The following MARF1 variants were observed in gnomAD, a reference collection of about 807,000 sequenced individuals.
MARF1 encodes the protein limkain-b1.
MARF1 carries 24 observed loss-of-function variants against 168.2 expected under a neutral mutation model. The observed-to-expected ratio is 0.14, with a 90% CI of 0.10 to 0.20. The LOEUF (loss-of-function observed/expected upper bound fraction) is 0.20. Ranked by LOEUF, MARF1 falls within the 10% of genes least tolerant of loss-of-function variation. The pLI, the probability that MARF1 is intolerant of heterozygous loss-of-function variation, is 1.00. For synonymous variants in MARF1, 868 were observed against 822.4 expected (o/e 1.06, Z -0.95); for missense variants, 1,744 against 2,143.6 (o/e 0.81, Z 3.68).
chr16:15,625,241 A>G, intron 8 of MARF1, 68 bp from the exon 9 acceptor site: 1 of 1,577,838 alleles, frequency 6.3e-7, no homozygotes, highest in South Asian at 1.2e-5. Flanking sequence ...CCTTTACAGA[A>G]AACGATTGAC....
chr16:15,596,127 G>A lies in MARF1; in HGVS notation c.*566C>T, dbSNP rs1057322750. On this transcript the variant is annotated 3_prime_UTR_variant, in exon 27 of 27. Coordinates refer to ENST00000396368, the MANE Select transcript of MARF1 (RefSeq NM_014647.4). ...AACAAGGCACACTTACAAGTCACATGGAAGCCAGGAACCTTCACATTCCAA... is the reference window on the plus strand; with the variant it reads ...AACAAGGCACACTTACAAGTCACATAGAAGCCAGGAACCTTCACATTCCAA... 1.3e-5 allele frequency: 2 copies of A among 152,662 alleles called. No homozygotes were observed. Among genetic ancestry groups the A allele is most frequent in the African/African-American group, 4.8e-5 (2 of 41,448 alleles). 9.5% of individuals were successfully genotyped at this position (152,662 alleles called of 1,614,324 possible).
intron 17 of MARF1, 124 bp downstream of exon 17, chr16:15,612,433 T>C: frequency 1.2e-6 from 1 of 834,094 alleles, no homozygotes; most frequent in Non-Finnish European, 2.0e-6. Flanking sequence ...CTGAAGAAAG[T>C]TTTTAGTGGA....
chr16:15,630,283 T>G lies in MARF1; in HGVS notation c.1524+49A>C, dbSNP rs1420233719. 1.9e-6 allele frequency: 3 copies of G among 1,545,190 alleles called. No individual in the cohort carries two copies. In the African/African-American group the frequency reaches 4.1e-5, roughly 21 times the overall value. On this transcript the variant is annotated intron_variant, in intron 7 of 26. Coordinates refer to ENST00000396368, the MANE Select transcript of MARF1 (RefSeq NM_014647.4). ...CCTTATTATGGGCTGTCTTTCAGCC[T>G]CCACAATGTAATATTGGAAAATGGC... is the stretch of plus-strand genomic sequence containing the variant.
At chr16:15,642,524 T>C (rs2036079457) in intron 1 of MARF1, 1 of 152,218 alleles carries the variant, frequency 6.6e-6, no homozygotes, top group African/African-American at 2.4e-5. Context: ...GAAAGGTGCT[T>C]GAGAAACTCT....
intron 12 of MARF1, among the ~76,000 whole-genome samples, chr16:15,621,139 T>C (rs993130710): frequency 2.6e-5 from 4 of 151,504 alleles, no homozygotes; most frequent in East Asian, 3.9e-4. Flanking sequence ...ATTTAAGTAA[T>C]AGTGAAGTAC....
Position 15,624,784 on chromosome 16 carries a change from T to C in MARF1, c.2255A>G (p.Gln752Arg). ...SRQVSPLLAS[Q>R]SWSSRSMSPN... ...CTGGACTCACCTAGAAGACCAAGAC[T>C]GAGATGCGAGCAGAGGACTGACTTG... Residue 752 changes from glutamine to arginine, a missense_variant, in exon 10 of 27, where the codon CAG becomes CGG. Physicochemically the swap from Gln to Arg is conservative, Grantham distance 43. Coordinates refer to ENST00000396368, the MANE Select transcript of MARF1 (RefSeq NM_014647.4). 1 of 1,614,082 alleles carries C rather than the reference T, an allele frequency of 6.2e-7. No individual in the cohort carries two copies. The highest frequency in any genetic ancestry group is 8.5e-7 in the Non-Finnish European group (1 of 1,179,976).
At chr16:15,636,978 C>T (rs923451609) in intron 2 of MARF1, among the ~76,000 whole-genome samples, 1 of 152,032 alleles carries the variant, frequency 6.6e-6, no homozygotes, top group Admixed American at 6.5e-5. Flanking sequence ...GAAAACTATC[C>T]AAGAAAAAGA....
chr16:15,601,162 T>C, intron 23 of MARF1: 1 of 448,984 alleles, frequency 2.2e-6, no homozygotes, highest in Non-Finnish European at 4.5e-6. Flanking sequence ...AGCAGAGTGG[T>C]AGTAGTGGAG....
At chr16:15,614,411 A>C (rs979295644) in intron 16 of MARF1, among the ~76,000 whole-genome samples, 5 of 138,178 alleles carry the variant, frequency 3.6e-5, no homozygotes, top group African/African-American at 2.8e-5. Context: ...TGAACCGAGG[A>C]GGCGGAGCTT....
At chr16:15,610,894 A>C in intron 19 of MARF1, 81 bp downstream of exon 19, 1 of 1,408,332 alleles carries the variant, frequency 7.1e-7, no homozygotes, top group Non-Finnish European at 9.8e-7. Flanking sequence ...ACAGGGAGGG[A>C]AAACCACATC....
intron 16 of MARF1, 89 bp downstream of exon 16, chr16:15,615,741 T>C (rs969773133): frequency 9.9e-7 from 1 of 1,006,788 alleles, no homozygotes; most frequent in Non-Finnish European, 1.4e-6. Context: ...CTTGGCAAAT[T>C]GTGCTGCTGT....
intron 15 of MARF1, 64 bp from the exon 16 acceptor site, chr16:15,616,069 T>C (rs1010060230): frequency 1.1e-5 from 14 of 1,266,244 alleles, no homozygotes; most frequent in Admixed American, 2.7e-5. Context: ...AAGGAGGCGC[T>C]TGCTAAACAG....
Position 15,608,535 on chromosome 16 carries a change from G to A in MARF1, c.3955-17C>T, listed in dbSNP as rs530927387. The A allele has an allele frequency of 3.8e-6, 6 of 1,560,262 alleles. No homozygotes were observed. The highest frequency in any genetic ancestry group is 3.4e-5 in the Admixed American group (2 of 58,824). On this transcript the variant is annotated splice_polypyrimidine_tract_variant and intron_variant, in intron 20 of 26. Transcript: ENST00000396368. ...TTCCAATACCTTTGAAAACACACGGGGGGAGGAAAGGGAAAATAAACAAAT... is the reference window on the plus strand; with the variant it reads ...TTCCAATACCTTTGAAAACACACGGAGGGAGGAAAGGGAAAATAAACAAAT...
At chr16:15,611,206 C>A in intron 18 of MARF1, 98 bp from the exon 19 acceptor site, 1 of 1,225,852 alleles carries the variant, frequency 8.2e-7, no homozygotes, top group Non-Finnish European at 1.2e-6. Flanking sequence ...CGCCTGTAAT[C>A]CCAGCACTTT....
Position 15,611,053 on chromosome 16 carries a change from T to C in MARF1, c.3673A>G (p.Ile1225Val). 6.2e-7 allele frequency: 1 copy of C among 1,613,788 alleles called. No homozygotes were observed. Among genetic ancestry groups the C allele is most frequent in the Non-Finnish European group, 8.5e-7 (1 of 1,179,676 alleles). The change falls in exon 19 of 27, where the codon ATC (isoleucine) becomes GTC (valine). Residue 1225 changes from isoleucine to valine, a missense_variant. Ile to Val is a conservative substitution (Grantham distance 29). Transcript: ENST00000396368. ...TEYGVCELID[I>V]VSEIPDTTIC... ...GTTGTGTCTGGAATCTCTGATACGATGTCAATCAACTCACAAACACCATAT... is the reference window on the plus strand; with the variant it reads ...GTTGTGTCTGGAATCTCTGATACGACGTCAATCAACTCACAAACACCATAT...
At chr16:15,623,274 C>CA in intron 10 of MARF1, 151 bp from the exon 11 acceptor site, 1 of 118,554 alleles carries the variant, frequency 8.4e-6, no homozygotes, top group African/African-American at 4.4e-5. Flanking sequence ...TGTTTTTAAT[C>CA]TTTTTTTTTT....
chr16:15,612,040 T>C (rs546895296), intron 17 of MARF1, among the ~76,000 whole-genome samples: 4 of 152,168 alleles, frequency 2.6e-5, no homozygotes, highest in Non-Finnish European at 5.9e-5. Flanking sequence ...ACTGTATTGG[T>C]TGTCCAGACA....
chr16:15,634,138 T>C (rs1316125609), intron 4 of MARF1, among the ~76,000 whole-genome samples: 1 of 152,158 alleles, frequency 6.6e-6, no homozygotes, highest in East Asian at 1.9e-4. Context: ...TAAGCAGTGA[T>C]GCTTCTCTGA....
At chr16:15,640,817 G>A (rs1210741500) in intron 1 of MARF1, among the ~76,000 whole-genome samples, 2 of 152,190 alleles carry the variant, frequency 1.3e-5, no homozygotes, top group Non-Finnish European at 2.9e-5. Context: ...CATTCCAATT[G>A]CAGAGTTGCA....
Sources: allele counts gnomAD v4.1 joint callset (sites outside exome capture counted in the v4.1 genomes callset), GRCh38; gene constraint gnomAD v4.1.1; transcripts MANE v1.5; gene names NCBI Gene and HGNC (gene_info 2026-07-23, HGNC 2026-07-21).